The following MAP3K2 variants were observed in gnomAD, a reference collection of about 807,000 sequenced individuals.
The protein encoded by MAP3K2 is mitogen-activated protein kinase kinase kinase 2, also known as MAP/ERK kinase kinase 2.
In MAP3K2, 24 loss-of-function variants were observed where a neutral mutation model predicts 80.3. The observed-to-expected ratio is 0.30, with a 90% confidence interval of 0.22 to 0.42. The LOEUF is 0.42. MAP3K2 is among the 10% of genes least tolerant of loss of function. The pLI is 1.00. For synonymous variants in MAP3K2, 244 were observed against 253.7 expected, an observed-to-expected ratio of 0.96 and a Z score of 0.36; for missense variants, 608 against 750.1, an observed-to-expected ratio of 0.81 and a Z score of 2.21.
At chr2:127,371,062 A>C (rs1010765906) in intron 1 of MAP3K2, among the ~76,000 whole-genome samples, 10 of 152,236 alleles carry the variant, frequency 6.6e-5, no homozygotes, top group African/African-American at 2.4e-4. Flanking sequence ...CATTTCTTTT[A>C]ATGCTTATAA....
rs116430647 is a variant in MAP3K2, at chr2:127,322,488, A to G, written c.839-236T>C. Among the ~76,000 whole-genome samples the G allele has an allele frequency of 0.018, 2,711 of 152,328 alleles. 86 individuals carry two copies. The highest frequency in any genetic ancestry group is 0.061 in the African/African-American group (2,522 of 41,558). ...AAACATACACACACACATCTTAAAAAGGAACCTCCTCACTTCTGGATAAAA... is the reference window on the plus strand; with the variant it reads ...AAACATACACACACACATCTTAAAAGGGAACCTCCTCACTTCTGGATAAAA... On this transcript the variant is annotated intron_variant, in intron 11 of 16. Transcript: ENST00000682094. The surrounding 1 kb of genome is among the most constrained non-coding windows in gnomAD (Gnocchi z 4.2).
At chr2:127,379,625 A>G (rs1352562241) in intron 1 of MAP3K2, among the ~76,000 whole-genome samples, 1 of 152,238 alleles carries the variant, frequency 6.6e-6, no homozygotes, top group Non-Finnish European at 1.5e-5. Flanking sequence ...TGGAAATACC[A>G]TCTCCACTCT....
Position 127,318,201 on chromosome 2 carries a change from G to GA in MAP3K2, c.1161dup (p.Gln388SerfsTer3). On this transcript the variant is annotated frameshift_variant, in exon 13 of 17. Coordinates refer to ENST00000682094, the MANE Select transcript of MAP3K2 (RefSeq NM_001371910.2). LOFTEE classifies it high-confidence loss of function. Reference sequence around the variant, plus strand: ...GTCTCAGGACTATCGGGGTCAAATTGAACTTGCTTAACAGCCAATTCTCTT... The same window carrying GA: ...GTCTCAGGACTATCGGGGTCAAATTGAAACTTGCTTAACAGCCAATTCTCTT... The GA allele has an allele frequency of 6.2e-7, 1 of 1,609,242 alleles. No individual in the cohort carries two copies. Among genetic ancestry groups the GA allele is most frequent in the Non-Finnish European group, 8.5e-7 (1 of 1,178,102 alleles).
In MAP3K2 at chr2:127,339,010, A is replaced by T; in HGVS notation, c.45T>A (p.Ala15=). The T allele has an allele frequency of 1.2e-6, 2 of 1,612,680 alleles. No homozygotes were observed. The highest frequency in any genetic ancestry group is 1.7e-6 in the Non-Finnish European group (2 of 1,179,304). Residue 15 remains alanine (A), a synonymous_variant, in exon 3 of 17, where the codon GCT becomes GCA. Transcript: ENST00000682094. This position sits in a 1 kb window ranked among gnomAD's most constrained non-coding sequence, Gnocchi z 4.2. ...QALNSIMQDL[A]VLHKASRPAL... ...CTGGTCGACTGGCCTTATGAAGGACAGCCAAATCTTGCATGATTGAGTTCA... is the reference window on the plus strand; with the variant it reads ...CTGGTCGACTGGCCTTATGAAGGACTGCCAAATCTTGCATGATTGAGTTCA...
At chr2:127,349,412 T>C (rs1229267826) in intron 1 of MAP3K2, among the ~76,000 whole-genome samples, 1 of 152,090 alleles carries the variant, frequency 6.6e-6, no homozygotes, top group Non-Finnish European at 1.5e-5. Context: ...GCAATCCTCC[T>C]GCCTCGGCCT....
chr2:127,382,663 T>C (rs954111780), intron 1 of MAP3K2, among the ~76,000 whole-genome samples: 8 of 152,210 alleles, frequency 5.3e-5, no homozygotes, highest in African/African-American at 1.9e-4. Context: ...CTCCCAAGTA[T>C]CTGGGACTAC....
chr2:127,366,657 G>C (rs553967615), intron 1 of MAP3K2, among the ~76,000 whole-genome samples: 4 of 152,018 alleles, frequency 2.6e-5, no homozygotes, highest in Admixed American at 6.6e-5. Flanking sequence ...AAGGAAGACT[G>C]TATGTACAAT....
In MAP3K2 at chr2:127,338,998, C is replaced by G. The variant is rs762320538; in HGVS notation, c.57G>C (p.Lys19Asn). Residue 19 changes from lysine to asparagine, a missense_variant, in exon 3 of 17, where the codon AAG becomes AAC. Lys to Asn is a moderately conservative substitution (Grantham distance 94, BLOSUM62 0). Transcript: ENST00000682094. ...GCAAGGATAATGCTGGTCGACTGGC[C>G]TTATGAAGGACAGCCAAATCTTGCA... is the stretch of plus-strand genomic sequence containing the variant. ...SIMQDLAVLHKASRPALSLQE... is the reference protein window; with the variant it reads ...SIMQDLAVLHNASRPALSLQE... The G allele has an allele frequency of 6.8e-6, 11 of 1,612,720 alleles. No individual in the cohort carries two copies. The Admixed American group carries it at 1.7e-4, about 24-fold the overall frequency.
At position 127,318,318 on chromosome 2, in the gene MAP3K2, C is replaced by A; in HGVS notation, c.1046-1G>T. On this transcript the variant is annotated splice_acceptor_variant, in intron 12 of 16. Transcript: ENST00000682094. LOFTEE classifies it high-confidence loss of function. ...CTCCAGTTGGTCGGAGCTCGAGGTG[C>A]TGAAAAAGAACACTTTCTTAAAGTG... 1 of 1,576,340 alleles carries A rather than the reference C, an allele frequency of 6.3e-7. No homozygotes were observed. Among genetic ancestry groups the A allele is most frequent in the Non-Finnish European group, 8.6e-7 (1 of 1,165,744 alleles).
chr2:127,337,128 T>G (rs1282722386), intron 4 of MAP3K2, among the ~76,000 whole-genome samples: 1 of 151,486 alleles, frequency 6.6e-6, no homozygotes, highest in Admixed American at 6.6e-5. Context: ...GGCGACAGAG[T>G]AAGACTCCAT....
chr2:127,336,843 A>G (rs1229263221), intron 4 of MAP3K2, among the ~76,000 whole-genome samples: 1 of 152,238 alleles, frequency 6.6e-6, no homozygotes, highest in East Asian at 1.9e-4. Context: ...AATAGCAGAA[A>G]TGAAATTCTA....
intron 1 of MAP3K2, among the ~76,000 whole-genome samples, chr2:127,372,749 G>A (rs961506977): frequency 2.0e-5 from 3 of 152,102 alleles, no homozygotes; most frequent in African/African-American, 7.2e-5. Flanking sequence ...TATTTGGGTA[G>A]AATAGTGATC....
Position 127,322,232 on chromosome 2 carries a change from C to T in MAP3K2, c.859G>A (p.Ala287Thr). ...YNDGRKTFPR[A>T]RRTQGTSLRS... ...AAGCTGGTCCCCTGGGTCCTTCTAG[C>T]TCTTGGAAAAGTTTTACGACCTAAA... is the stretch of plus-strand genomic sequence containing the variant. Residue 287 changes from alanine (A) to threonine (T), a missense_variant, in exon 12 of 17, where the codon GCT (alanine) becomes ACT (threonine). By Grantham distance (58) the Ala-to-Thr change is moderately conservative. This residue lies in a region of MAP3K2 where 467 missense variants were observed against 521.9 expected (regional missense o/e 0.89). Transcript: ENST00000682094. The surrounding 1 kb of genome is among the most constrained non-coding windows in gnomAD (Gnocchi z 4.2). 2 of 1,613,470 alleles carry T rather than the reference C, an allele frequency of 1.2e-6. No individual in the cohort carries two copies. Among genetic ancestry groups the T allele is most frequent in the Non-Finnish European group, 1.7e-6 (2 of 1,179,550 alleles).
chr2:127,332,058 G>C (rs190190991), intron 5 of MAP3K2, among the ~76,000 whole-genome samples: 13 of 152,224 alleles, frequency 8.5e-5, no homozygotes, highest in African/African-American at 3.1e-4. Context: ...TACTGTAAGG[G>C]ACCGACTAAC....
rs1021193772 is a variant in MAP3K2, at chr2:127,299,431, A to T, written c.*8148T>A. The T allele has an allele frequency of 5.3e-5, 8 of 152,330 alleles. No individual in the cohort carries two copies. In the East Asian group the frequency reaches 1.3e-3, roughly 26 times the overall value. The allele number at this position is 152,330 out of a possible 1,614,324, so 9.4% of individuals were successfully genotyped here. On this transcript the variant is annotated 3_prime_UTR_variant, in exon 17 of 17. Transcript: ENST00000682094. ...TCTGACCTTGCCCAGTGATAGAAAA[A>T]CTAAAAGTTGAAATCTTTTGGGGTG... is the stretch of plus-strand genomic sequence containing the variant.
At chr2:127,351,656 A>G (rs939012902) in intron 1 of MAP3K2, among the ~76,000 whole-genome samples, 2 of 152,098 alleles carry the variant, frequency 1.3e-5, no homozygotes, top group African/African-American at 4.8e-5. Flanking sequence ...GGATTACTGA[A>G]ATAGTTTCAT....
intron 7 of MAP3K2, 138 bp downstream of exon 7, chr2:127,329,783 T>G: frequency 3.4e-6 from 2 of 583,756 alleles, no homozygotes; most frequent in Non-Finnish European, 6.0e-6. Context: ...AATATTAGAG[T>G]GTATTTAAAT....
chr2:127,355,556 A>C (rs1686782368), intron 1 of MAP3K2, among the ~76,000 whole-genome samples: 1 of 152,154 alleles, frequency 6.6e-6, no homozygotes. Flanking sequence ...TGCTAAAAGA[A>C]TGTTAAAGAA....
chr2:127,328,457 T>C (rs573765387), intron 7 of MAP3K2, among the ~76,000 whole-genome samples: 1 of 152,308 alleles, frequency 6.6e-6, no homozygotes, highest in Admixed American at 6.5e-5. Context: ...AAGTGTTCTC[T>C]CAATTTAATG....
Sources: allele counts gnomAD v4.1 joint callset (sites outside exome capture counted in the v4.1 genomes callset), GRCh38; gene constraint gnomAD v4.1.1; regional missense constraint gnomAD v4.1.1; non-coding constraint Gnocchi (gnomAD v3.1); transcripts MANE v1.5; gene names NCBI Gene and HGNC (gene_info 2026-07-23, HGNC 2026-07-21).